Variants in CHD9 observed in about 807,000 individuals in gnomAD.
CHD9 encodes the protein chromodomain helicase DNA binding protein 9.
Under a neutral mutation model 316.1 loss-of-function variants are expected in CHD9, and 77 were observed. The observed-to-expected ratio is 0.24, with a 90% CI of 0.20 to 0.29. The LOEUF is 0.29. Ranked by LOEUF, CHD9 falls within the 10% of genes least tolerant of loss-of-function variation. CHD9 has a pLI of 1.00. For synonymous variants in CHD9, 1,129 were observed against 1,158.3 expected (o/e 0.97, Z 0.51); for missense variants, 2,763 against 3,438.1 (o/e 0.80, Z 4.91).
chr16:53,193,284 T>C (rs1461090114), intron 2 of CHD9, among the ~76,000 whole-genome samples: 1 of 151,772 alleles, frequency 6.6e-6, no homozygotes, highest in East Asian at 1.9e-4. Context: ...CTGTCGCTAC[T>C]AAAAATACAA....
At chr16:53,279,838 A>G (rs751445399) in intron 24 of CHD9, among the ~76,000 whole-genome samples, 1 of 152,138 alleles carries the variant, frequency 6.6e-6, no homozygotes, top group Non-Finnish European at 1.5e-5. Context: ...AAAAAAAGAA[A>G]AGTTCCATCA....
intron 1 of CHD9, among the ~76,000 whole-genome samples, chr16:53,104,514 A>G (rs2037155743): frequency 6.6e-6 from 1 of 152,182 alleles, no homozygotes; most frequent in Admixed American, 6.5e-5. Context: ...GAAACTGTAT[A>G]AGAAAGTTAC....
chr16:53,280,568 C>T (rs986232512), intron 24 of CHD9, among the ~76,000 whole-genome samples: 14 of 151,870 alleles, frequency 9.2e-5, no homozygotes, highest in African/African-American at 2.7e-4. Flanking sequence ...AAATTGGGTG[C>T]GGTGTATACT....
At chr16:53,058,685 G>C (rs549330844) in intron 1 of CHD9, among the ~76,000 whole-genome samples, 17 of 152,244 alleles carry the variant, frequency 1.1e-4, no homozygotes, top group Admixed American at 4.6e-4. Context: ...TGGCAGGTTG[G>C]ACAGGATCAT....
intron 8 of CHD9, among the ~76,000 whole-genome samples, chr16:53,230,692 CTG>C (rs1567523465): frequency 6.6e-6 from 1 of 152,096 alleles, no homozygotes; most frequent in Non-Finnish European, 1.5e-5. Context: ...AAAGATTACT[CTG>C]GGGACAATGT....
In CHD9 at chr16:53,267,520, A is replaced by G. The variant is rs770988408; in HGVS notation, c.4517+30A>G. 3 of 1,480,286 alleles carry G rather than the reference A, an allele frequency of 2.0e-6. No homozygotes were observed. The Admixed American group carries it at 6.0e-5, about 30-fold the overall frequency. The allele number at this position is 1,480,286 out of a possible 1,614,324, so 91.7% of individuals were successfully genotyped here. On this transcript the variant is annotated intron_variant, in intron 21 of 38. Transcript: ENST00000447540. ...AACATTGTTTTTAATGTTTGCTCTA[A>G]GTAGTCTGGTATGTAATGTTACAGA...
At chr16:53,085,951 A>G (rs555974471) in intron 1 of CHD9, among the ~76,000 whole-genome samples, 1 of 152,362 alleles carries the variant, frequency 6.6e-6, no homozygotes, top group South Asian at 2.1e-4. Flanking sequence ...AAATTGGAAC[A>G]GAGCTAAGAG....
Position 53,088,279 on chromosome 16 carries a change from GT to G in CHD9, c.-165+33218del, listed in dbSNP as rs71143964. On this transcript the variant is annotated intron_variant, in intron 1 of 38. Transcript: ENST00000447540. ...AATCAAGGAAAATGACATGCACTTT[GT>G]TTTTTTTTTTTTTTTGAGATGGAGT... Among the ~76,000 whole-genome samples, 27 of 136,162 alleles carry G rather than the reference GT, an allele frequency of 2.0e-4. 1 individual carries two copies. The East Asian group carries it at 2.4e-3, about 12-fold the overall frequency. 89.3% of individuals were successfully genotyped at this position (136,162 alleles called of 152,430 possible). A position where few individuals can be genotyped will look rare whatever the true frequency, so the allele number is the denominator to read the frequency against.
At chr16:53,164,647 G>T (rs1029749226) in intron 2 of CHD9, among the ~76,000 whole-genome samples, 1 of 151,352 alleles carries the variant, frequency 6.6e-6, no homozygotes, top group Non-Finnish European at 1.5e-5. Context: ...TTTTTTGGAG[G>T]GGGGGGTTTG....
intron 1 of CHD9, among the ~76,000 whole-genome samples, chr16:53,148,214 A>G (rs1435224793): frequency 6.6e-6 from 1 of 152,106 alleles, no homozygotes; most frequent in Non-Finnish European, 1.5e-5. Flanking sequence ...CTCCAAAAAA[A>G]TATATAAAAT....
chr16:53,307,016 G>A (rs1343307813), intron 32 of CHD9, among the ~76,000 whole-genome samples: 7 of 152,104 alleles, frequency 4.6e-5, no homozygotes, highest in Admixed American at 4.6e-4. Flanking sequence ...CTGACCTCAA[G>A]TGATCCGCTT....
In CHD9 at chr16:53,066,734, A is replaced by G. The variant is rs113994359; in HGVS notation, c.-165+11657A>G. 8.5e-3 allele frequency among the ~76,000 whole-genome samples: 1,294 copies of G among 152,226 alleles called. 24 individuals are homozygous for G. Among genetic ancestry groups the G allele is most frequent in the African/African-American group, 0.029 (1,203 of 41,542 alleles). ...TGTGTCCGCTCCTTCTCTTTGGTCA[A>G]TCAGCAGTCAGGGACAGAGAGGCTG... On this transcript the variant is annotated intron_variant, in intron 1 of 38. Transcript: ENST00000447540.
At chr16:53,254,353 G>T (rs6499510) in intron 17 of CHD9, 85 bp from the exon 18 acceptor site, 2 of 911,036 alleles carry the variant, frequency 2.2e-6, no homozygotes, top group Admixed American at 2.8e-5. Context: ...AAGAATTCTT[G>T]TATGTGTTTA....
chr16:53,085,633 A>G (rs1237782324), intron 1 of CHD9, among the ~76,000 whole-genome samples: 1 of 152,192 alleles, frequency 6.6e-6, no homozygotes, highest in Non-Finnish European at 1.5e-5. Flanking sequence ...TGCTTCCCAG[A>G]TAACACACAC....
intron 1 of CHD9, among the ~76,000 whole-genome samples, chr16:53,118,031 G>T (rs1426767777): frequency 6.6e-6 from 1 of 151,728 alleles, no homozygotes; most frequent in Non-Finnish European, 1.5e-5. Flanking sequence ...GTTTCATCTT[G>T]TTAGCCAGGG....
chr16:53,145,447 G>A (rs2040493907), intron 1 of CHD9, among the ~76,000 whole-genome samples: 3 of 150,996 alleles, frequency 2.0e-5, no homozygotes, highest in Admixed American at 2.0e-4. Flanking sequence ...CACCATGCCC[G>A]GCCAATCCCA....
At chr16:53,214,400 C>A (rs1448692707) in intron 3 of CHD9, among the ~76,000 whole-genome samples, 2 of 151,908 alleles carry the variant, frequency 1.3e-5, no homozygotes, top group African/African-American at 4.8e-5. Context: ...AATATATGCT[C>A]GAATTAAATA....
intron 1 of CHD9, among the ~76,000 whole-genome samples, chr16:53,089,659 CACTGGGACTGGAA>C (rs1459109423): frequency 6.6e-6 from 1 of 152,170 alleles, no homozygotes; most frequent in Non-Finnish European, 1.5e-5. Context: ...CTGGCAGATC[CACTGGGACTGGAA>C]ACTAGGACAT....
At chr16:53,211,345 A>G (rs893888399) in intron 3 of CHD9, among the ~76,000 whole-genome samples, 2 of 152,184 alleles carry the variant, frequency 1.3e-5, no homozygotes, top group Non-Finnish European at 2.9e-5. Flanking sequence ...AAGTGAATTA[A>G]TATAGTAAGG....
Sources: gnomAD v4.1 joint callset for allele counts (sites outside exome capture counted in the v4.1 genomes callset) on GRCh38, gnomAD v4.1.1 for gene constraint, MANE v1.5 for transcripts, NCBI Gene and HGNC (gene_info 2026-07-23, HGNC 2026-07-21) for gene names.